SLC35F1: variants seen among roughly 807,000 people sequenced by gnomAD.
SLC35F1 encodes the protein solute carrier family 35 member F1, also known as chromosome 6 open reading frame 169.
In SLC35F1, 14 loss-of-function variants were observed where a neutral mutation model predicts 48.7. The ratio of observed to expected loss-of-function variants is 0.29; its 90% CI spans 0.19 to 0.45. The LOEUF is 0.45. Ranked by LOEUF, SLC35F1 falls within the 20% of genes least tolerant of loss-of-function variation. The pLI is 1.00. For synonymous variants in SLC35F1, 190 were observed against 202.2 expected (o/e 0.94, Z 0.51); for missense variants, 404 against 500.0 (o/e 0.81, Z 1.83).
intron 1 of SLC35F1, among the ~76,000 whole-genome samples, chr6:118,025,522 T>C (rs752034474): frequency 1.3e-5 from 2 of 152,160 alleles, no homozygotes; most frequent in African/African-American, 4.8e-5. Flanking sequence ...GAAGTCACCA[T>C]GTACAGTCCA....
At chr6:118,201,038 A>T (rs1293689541) in intron 2 of SLC35F1, among the ~76,000 whole-genome samples, 1 of 152,222 alleles carries the variant, frequency 6.6e-6, no homozygotes, top group Admixed American at 6.5e-5. Flanking sequence ...CAGCCCCCCA[A>T]GTAGCTGGGA....
chr6:118,241,255 C>T (rs1582747712), intron 3 of SLC35F1, among the ~76,000 whole-genome samples: 1 of 152,182 alleles, frequency 6.6e-6, no homozygotes, highest in South Asian at 2.1e-4. Flanking sequence ...GCACCAAATG[C>T]TCTTGTTTTC....
intron 2 of SLC35F1, among the ~76,000 whole-genome samples, chr6:118,164,303 AT>A (rs1193796920): frequency 6.6e-6 from 1 of 152,218 alleles, no homozygotes; most frequent in Non-Finnish European, 1.5e-5. Context: ...CTTCCAAAAA[AT>A]AGAGTGAATA....
Position 118,245,808 on chromosome 6 carries a change from G to T in SLC35F1, c.477+10172G>T, listed in dbSNP as rs12110841. Reference sequence around the variant, plus strand: ...GTTCTCTGATGTGGCTTCCTCAGCTGGGTGTGGGGCTTCTGCCTCCCAAAA... The same window carrying T: ...GTTCTCTGATGTGGCTTCCTCAGCTTGGTGTGGGGCTTCTGCCTCCCAAAA... On this transcript the variant is annotated intron_variant, in intron 3 of 7. Transcript: ENST00000360388. Among the ~76,000 whole-genome samples, 1,514 of 152,268 alleles carry T rather than the reference G, an allele frequency of 9.9e-3. 28 individuals carry two copies. Among genetic ancestry groups the T allele is most frequent in the African/African-American group, 0.035 (1,440 of 41,550 alleles).
chr6:118,064,212 G>A (rs911159827), intron 1 of SLC35F1, among the ~76,000 whole-genome samples: 2 of 152,058 alleles, frequency 1.3e-5, no homozygotes, highest in African/African-American at 4.8e-5. Context: ...GAACAGCATG[G>A]GAAAAACCTG....
chr6:118,044,198 C>T (rs1156779864), intron 1 of SLC35F1, among the ~76,000 whole-genome samples: 1 of 152,168 alleles, frequency 6.6e-6, no homozygotes, highest in Non-Finnish European at 1.5e-5. Context: ...ATGGCTTATT[C>T]AGGTTCTCAT....
intron 1 of SLC35F1, among the ~76,000 whole-genome samples, chr6:117,966,321 C>T (rs185856875): frequency 3.3e-5 from 5 of 152,230 alleles, no homozygotes; most frequent in Admixed American, 1.3e-4. Context: ...CTGAAGTCAG[C>T]GAGACCACGA....
chr6:117,961,899 A>G (rs1776502894), intron 1 of SLC35F1, among the ~76,000 whole-genome samples: 2 of 152,216 alleles, frequency 1.3e-5, no homozygotes, highest in South Asian at 2.1e-4. Context: ...ATACATAAAT[A>G]TATGTGGAGA....
intron 2 of SLC35F1, among the ~76,000 whole-genome samples, chr6:118,192,227 C>T (rs28776013): frequency 0.017 from 2,559 of 152,168 alleles, 61 homozygotes; most frequent in African/African-American, 0.059. Context: ...ATTTAACATG[C>T]AAATCTGGCA....
chr6:118,031,975 A>T (rs961161888), intron 1 of SLC35F1, among the ~76,000 whole-genome samples: 5 of 152,044 alleles, frequency 3.3e-5, no homozygotes, highest in Non-Finnish European at 7.4e-5. Flanking sequence ...TTGGTATTCA[A>T]TCCCGCCTCT....
intron 3 of SLC35F1, among the ~76,000 whole-genome samples, chr6:118,245,765 G>A (rs1364095017): frequency 1.3e-5 from 2 of 152,200 alleles, no homozygotes; most frequent in African/African-American, 4.8e-5. Flanking sequence ...GCTCTGCTAA[G>A]CACACATCAC....
intron 4 of SLC35F1, 75 bp downstream of exon 4, chr6:118,267,229 TG>T: frequency 6.4e-7 from 1 of 1,557,578 alleles, no homozygotes; most frequent in Non-Finnish European, 8.8e-7. Context: ...TGTTCATAGT[TG>T]GGTGAAAACA....
chr6:118,164,577 G>C (rs1050968539), intron 2 of SLC35F1, among the ~76,000 whole-genome samples: 8 of 152,136 alleles, frequency 5.3e-5, no homozygotes, highest in Non-Finnish European at 1.0e-4. Context: ...CAAGTTTCAT[G>C]TGGGTTAAGA....
At chr6:118,293,465 G>GCCCA (rs1776148697) in intron 7 of SLC35F1, among the ~76,000 whole-genome samples, 1 of 152,052 alleles carries the variant, frequency 6.6e-6, no homozygotes. Context: ...ATTACATTCA[G>GCCCA]CCCACCCAGA....
intron 1 of SLC35F1, among the ~76,000 whole-genome samples, chr6:117,925,894 G>T (rs1776020809): frequency 6.6e-6 from 1 of 152,124 alleles, no homozygotes; most frequent in Non-Finnish European, 1.5e-5. Context: ...GGAGCTTGAA[G>T]TACTGGGTGA....
intron 2 of SLC35F1, among the ~76,000 whole-genome samples, chr6:118,190,502 A>C (rs1345137064): frequency 2.0e-5 from 3 of 152,056 alleles, no homozygotes; most frequent in Admixed American, 6.6e-5. Flanking sequence ...ATTTAAAAAA[A>C]CTTGGGGCCT....
chr6:118,017,770 C>T (rs1297828245), intron 1 of SLC35F1, among the ~76,000 whole-genome samples: 1 of 152,122 alleles, frequency 6.6e-6, no homozygotes, highest in Non-Finnish European at 1.5e-5. Flanking sequence ...AGAGACTGGA[C>T]TGTAGTGAGC....
intron 6 of SLC35F1, among the ~76,000 whole-genome samples, chr6:118,282,741 G>T (rs1775998809): frequency 6.6e-6 from 1 of 152,112 alleles, no homozygotes; most frequent in South Asian, 2.1e-4. Flanking sequence ...CAGAACCCCT[G>T]GGCATCCTCC....
intron 2 of SLC35F1, among the ~76,000 whole-genome samples, chr6:118,175,642 C>A (rs2114502121): frequency 6.6e-6 from 1 of 152,276 alleles, no homozygotes; most frequent in South Asian, 2.1e-4. Flanking sequence ...TGATCAGCCT[C>A]ACCTTCACAA....
Sources: allele counts gnomAD v4.1 joint callset (sites outside exome capture counted in the v4.1 genomes callset), GRCh38; gene constraint gnomAD v4.1.1; transcripts MANE v1.5; gene names NCBI Gene and HGNC (gene_info 2026-07-23, HGNC 2026-07-21).